The following CCDC40 variants were observed in gnomAD, a reference collection of about 807,000 sequenced individuals.
CCDC40 encodes coiled-coil domain-containing protein 40.
Under a neutral mutation model 124.5 loss-of-function variants are expected in CCDC40, and 104 were observed. That is an observed-to-expected ratio of 0.84 (90% CI 0.71 to 0.98). CCDC40 has a LOEUF of 0.98. CCDC40 is among the 50% of genes least tolerant of loss of function. The pLI, the probability that CCDC40 is intolerant of heterozygous loss-of-function variation, is 0.00. For synonymous variants in CCDC40, 580 were observed against 602.9 expected, an observed-to-expected ratio of 0.96 and a Z score of 0.56; for missense variants, 1,463 against 1,503.9, an observed-to-expected ratio of 0.97 and a Z score of 0.45.
intron 10 of CCDC40, chr17:80,067,896 G>A: frequency 7.4e-7 from 1 of 1,357,834 alleles, no homozygotes; most frequent in African/African-American, 1.5e-5. Context: ...AAACGTGCAT[G>A]CGCAGAATGT....
At chr17:80,036,991 C>T (rs1164669664) in intron 1 of CCDC40, among the ~76,000 whole-genome samples, 1 of 152,222 alleles carries the variant, frequency 6.6e-6, no homozygotes, top group East Asian at 1.9e-4. Flanking sequence ...GCTCACTCTG[C>T]AGTCACCATG....
rs143374313 is a variant in CCDC40, at chr17:80,089,853, G to A, written c.2801G>A (p.Arg934Gln). ...TCCGAGATCGGCCAGACGGAGATCC[G>A]GGCCATGAAGGGCGAGATCCACAGG... ...VDSEIGQTEI[R>Q]AMKGEIHRMK... Residue 934 changes from arginine to glutamine, a missense_variant, in exon 17 of 20, where the codon CGG becomes CAG. Physicochemically the swap from Arg to Gln is conservative, Grantham distance 43. Coordinates refer to ENST00000397545, the MANE Select transcript of CCDC40 (RefSeq NM_017950.4). The A allele has an allele frequency of 8.0e-5, 129 of 1,614,238 alleles. No individual in the cohort carries two copies. In the African/African-American group the frequency reaches 1.1e-3, roughly 14 times the overall value.
rs974561042 is a variant in CCDC40 at position 80,066,484 on chromosome 17, G to A, written c.1562+878G>A. On this transcript the variant is annotated intron_variant, in intron 10 of 19. Coordinates refer to ENST00000397545, the MANE Select transcript of CCDC40 (RefSeq NM_017950.4). This position sits in a 1 kb window ranked among gnomAD's most constrained non-coding sequence, Gnocchi z 4.4. ...TAACCATACTCATTTCTGGCCAGGC[G>A]CAGTGGCTCGCACCTGTAATCCCAA... is the stretch of plus-strand genomic sequence containing the variant. The A allele has an allele frequency of 2.0e-5, 6 of 294,960 alleles. No homozygotes were observed. The highest frequency in any genetic ancestry group is 2.6e-5 in the Non-Finnish European group (4 of 156,840). 18.3% of individuals were successfully genotyped at this position (294,960 alleles called of 1,614,324 possible).
chr17:80,060,578 A>T (rs1454405643), intron 9 of CCDC40, among the ~76,000 whole-genome samples: 1 of 152,142 alleles, frequency 6.6e-6, no homozygotes, highest in Non-Finnish European at 1.5e-5. Context: ...AAGAATACCC[A>T]AGAAAATTTT....
chr17:80,089,453 GTCAGCTTCTATCAATTA>G, intron 16 of CCDC40: 1 of 366,902 alleles, frequency 2.7e-6, no homozygotes, highest in Non-Finnish European at 5.2e-6. Flanking sequence ...TTTTTCTTAA[GTCAGCTTCTATCAATTA>G]TACTGACTTT....
intron 3 of CCDC40, among the ~76,000 whole-genome samples, chr17:80,041,245 C>T (rs372214503): frequency 2.6e-5 from 4 of 152,080 alleles, no homozygotes; most frequent in Non-Finnish European, 4.4e-5. Flanking sequence ...TGGTGGTGCA[C>T]GCCTGTAATC....
chr17:80,081,221 A>C (rs1375659381), intron 10 of CCDC40, among the ~76,000 whole-genome samples: 1 of 151,890 alleles, frequency 6.6e-6, no homozygotes, highest in Non-Finnish European at 1.5e-5. Flanking sequence ...CATCTCTACA[A>C]ATAGAGTTTA....
At chr17:80,092,353 T>C (rs751544902) in intron 17 of CCDC40, among the ~76,000 whole-genome samples, 1 of 152,074 alleles carries the variant, frequency 6.6e-6, no homozygotes, top group Non-Finnish European at 1.5e-5. Context: ...CAAGTTTTGA[T>C]AGAGACGTAC....
chr17:80,050,933 C>T (rs149745119), intron 7 of CCDC40, among the ~76,000 whole-genome samples: 137 of 152,170 alleles, frequency 9.0e-4, no homozygotes, highest in Non-Finnish European at 1.6e-3. Flanking sequence ...AGGGTGAGGC[C>T]GGCACGACGG....
intron 3 of CCDC40, among the ~76,000 whole-genome samples, chr17:80,043,195 C>A (rs370173057): frequency 6.6e-6 from 1 of 152,218 alleles, no homozygotes; most frequent in African/African-American, 2.4e-5. Context: ...TTTAAACCAG[C>A]CTTTGTGTGA....
chr17:80,095,457 GAGC>G lies in CCDC40; in HGVS notation c.3021+10_3021+12del. The G allele has an allele frequency of 6.2e-7, 1 of 1,613,982 alleles. No individual in the cohort carries two copies. Among genetic ancestry groups the G allele is most frequent in the Non-Finnish European group, 8.5e-7 (1 of 1,179,908 alleles). On this transcript the variant is annotated splice_region_variant and intron_variant, in intron 18 of 19. Transcript: ENST00000397545. ...AAATCAGGGACGTTCGCAAGGTAGG[GAGC>G]AGCGGAAAGGAAACAGGGCGCCTGC...
At chr17:80,047,230 CA>C in intron 3 of CCDC40, 48 bp from the exon 4 acceptor site, 1 of 1,587,774 alleles carries the variant, frequency 6.3e-7, no homozygotes, top group Non-Finnish European at 8.6e-7. Flanking sequence ...AATAACTTCT[CA>C]GTGGCAATTA....
intron 17 of CCDC40, chr17:80,090,862 A>G (rs2038710242): frequency 9.6e-7 from 1 of 1,039,782 alleles, no homozygotes; most frequent in Non-Finnish European, 1.2e-6. Flanking sequence ...GATCAAGTGC[A>G]TATGCTAATA....
rs9905685 is a variant in CCDC40 at position 80,090,604 on chromosome 17, G to C, written c.2832+720G>C. On this transcript the variant is annotated intron_variant, in intron 17 of 19. Coordinates refer to ENST00000397545, the MANE Select transcript of CCDC40 (RefSeq NM_017950.4). ...TTGTGACCCTCTAACGTATCCCACT[G>C]TGAGACAGTCTCACACCACAGAAGG... is the stretch of plus-strand genomic sequence containing the variant. 1,016,934 of 1,478,816 alleles carry C rather than the reference G, an allele frequency of 0.69. 351,090 individuals are homozygous for C. The highest frequency in any genetic ancestry group is 0.75 in the South Asian group (55,723 of 74,038). 91.6% of individuals were successfully genotyped at this position (1,478,816 alleles called of 1,614,324 possible). A position where few individuals can be genotyped will look rare whatever the true frequency, so the allele number is the denominator to read the frequency against.
intron 3 of CCDC40, among the ~76,000 whole-genome samples, chr17:80,046,530 C>A (rs916664054): frequency 9.8e-6 from 1 of 101,680 alleles, no homozygotes; most frequent in African/African-American, 5.1e-5. Context: ...GAGACCCTTA[C>A]TCAATAATAA....
Position 80,066,257 on chromosome 17 carries a change from A to G in CCDC40, c.1562+651A>G. Reference sequence around the variant, plus strand: ...CCTTGTGCCCAGCACAGAGCCTGGCATACAGCAAGCGCTCAAGAAAGGCTG... The same window carrying G: ...CCTTGTGCCCAGCACAGAGCCTGGCGTACAGCAAGCGCTCAAGAAAGGCTG... On this transcript the variant is annotated intron_variant, in intron 10 of 19. Coordinates refer to ENST00000397545, the MANE Select transcript of CCDC40 (RefSeq NM_017950.4). This position sits in a 1 kb window ranked among gnomAD's most constrained non-coding sequence, Gnocchi z 4.4. The G allele has an allele frequency of 1.4e-6, 1 of 693,054 alleles. No individual in the cohort carries two copies. Among genetic ancestry groups the G allele is most frequent in the Non-Finnish European group, 2.6e-6 (1 of 379,392 alleles). The allele number at this position is 693,054 out of a possible 1,614,324, so 42.9% of individuals were successfully genotyped here. A position where few individuals can be genotyped will look rare whatever the true frequency, so the allele number is the denominator to read the frequency against.
chr17:80,076,736 A>C (rs1033940077), intron 10 of CCDC40, among the ~76,000 whole-genome samples: 1 of 151,876 alleles, frequency 6.6e-6, no homozygotes, highest in Admixed American at 6.6e-5. Context: ...ATTTTTTAGC[A>C]ATAAAGTTTG....
In CCDC40 at chr17:80,081,973, A is replaced by G; in HGVS notation, c.1904A>G (p.Lys635Arg). ...AAGACGGATGCTGCCATCCGGGAGA[A>G]GCTGCAGGAGCACATGACCTCCAAC... ...RRKTDAAIREKLQEHMTSNKT... is the reference protein window; with the variant it reads ...RRKTDAAIRERLQEHMTSNKT... Residue 635 changes from lysine to arginine, a missense_variant, in exon 12 of 20, where the codon AAG becomes AGG. Physicochemically the swap from Lys to Arg is conservative, Grantham distance 26 (BLOSUM62 2). Coordinates refer to ENST00000397545, the MANE Select transcript of CCDC40 (RefSeq NM_017950.4). 1 of 1,613,916 alleles carries G rather than the reference A, an allele frequency of 6.2e-7. No individual in the cohort carries two copies.
At chr17:80,067,683 C>G in intron 10 of CCDC40, 4 of 1,535,798 alleles carry the variant, frequency 2.6e-6, no homozygotes, top group Non-Finnish European at 3.5e-6. Context: ...CGAATGCTAA[C>G]GCTCACCAGG....
Sources: allele counts gnomAD v4.1 joint callset (sites outside exome capture counted in the v4.1 genomes callset), GRCh38; gene constraint gnomAD v4.1.1; non-coding constraint Gnocchi (gnomAD v3.1); transcripts MANE v1.5; gene names NCBI Gene and HGNC (gene_info 2026-07-23, HGNC 2026-07-21).